CCBE1: variants seen among roughly 807,000 people sequenced by gnomAD.
The protein encoded by CCBE1 is collagen and calcium binding EGF domains 1, also known as collagen and calcium-binding EGF domain-containing protein 1.
Under a neutral mutation model 50.0 loss-of-function variants are expected in CCBE1, and 37 were observed. The observed-to-expected ratio is 0.74, with a 90% CI of 0.57 to 0.97. The LOEUF (loss-of-function observed/expected upper bound fraction) is 0.97, where lower values mean the gene tolerates loss of function less well. Among genes scored for constraint, CCBE1 ranks in the 50% least tolerant of loss-of-function variants. The probability of loss-of-function intolerance (pLI) is 0.00; values close to 1 mark genes in which losing one functional copy is unlikely to be tolerated. For missense variants in CCBE1, 538 were observed against 523.8 expected (o/e 1.03, Z -0.26); for synonymous variants, 234 against 203.7 (o/e 1.15, Z -1.27).
At chr18:59,632,600 T>G (rs1328833034) in intron 2 of CCBE1, among the ~76,000 whole-genome samples, 1 of 151,524 alleles carries the variant, frequency 6.6e-6, no homozygotes, top group East Asian at 2.0e-4. Flanking sequence ...GTATTGTTTT[T>G]GTTTTTGAGA....
At chr18:59,515,446 C>T (rs1914328688) in intron 2 of CCBE1, among the ~76,000 whole-genome samples, 1 of 152,188 alleles carries the variant, frequency 6.6e-6, no homozygotes, top group African/African-American at 2.4e-5. Context: ...GGTATCATTT[C>T]CAAATCTGGG....
intron 2 of CCBE1, among the ~76,000 whole-genome samples, chr18:59,616,837 C>T (rs747524388): frequency 1.3e-5 from 2 of 152,140 alleles, no homozygotes; most frequent in South Asian, 4.2e-4. Flanking sequence ...CGGACGGAAG[C>T]CTTTCTCATC....
At chr18:59,448,203 T>C in intron 6 of CCBE1, 100 bp from the exon 7 acceptor site, 1 of 1,527,086 alleles carries the variant, frequency 6.5e-7, no homozygotes, top group East Asian at 2.3e-5. Flanking sequence ...TCATGAGACA[T>C]ATGTATATAC....
intron 2 of CCBE1, among the ~76,000 whole-genome samples, chr18:59,501,254 C>G (rs913695130): frequency 6.6e-6 from 1 of 152,198 alleles, no homozygotes; most frequent in African/African-American, 2.4e-5. Context: ...GGGACCCTGT[C>G]CTGGGGCTGC....
chr18:59,652,730 C>T (rs950047560), intron 2 of CCBE1, among the ~76,000 whole-genome samples: 8 of 152,096 alleles, frequency 5.3e-5, no homozygotes, highest in African/African-American at 1.4e-4. Flanking sequence ...TTCGGGAGGC[C>T]GAGGCGGGTG....
intron 7 of CCBE1, among the ~76,000 whole-genome samples, 174 bp from the exon 8 acceptor site, chr18:59,439,990 C>T (rs977295518): frequency 4.6e-5 from 7 of 152,228 alleles, no homozygotes; most frequent in Non-Finnish European, 8.8e-5. Context: ...CGATCAAAAG[C>T]GGCTTCCCCA....
chr18:59,471,489 A>G (rs1307313696), intron 3 of CCBE1, among the ~76,000 whole-genome samples: 1 of 152,214 alleles, frequency 6.6e-6, no homozygotes, highest in Admixed American at 6.5e-5. Flanking sequence ...CCATAATGAC[A>G]ACATAAAAGC....
chr18:59,468,788 T>C (rs1911878025), intron 4 of CCBE1, among the ~76,000 whole-genome samples: 1 of 152,052 alleles, frequency 6.6e-6, no homozygotes, highest in African/African-American at 2.4e-5. Flanking sequence ...TATGCACGTC[T>C]GGACCCACTC....
intron 7 of CCBE1, among the ~76,000 whole-genome samples, chr18:59,444,097 C>G (rs1047970913): frequency 2.8e-5 from 4 of 142,972 alleles, no homozygotes; most frequent in African/African-American, 8.4e-5. Flanking sequence ...GAATAATATT[C>G]CATTGTAAGT....
At chr18:59,503,005 T>A (rs7234617) in intron 2 of CCBE1, among the ~76,000 whole-genome samples, 43,882 of 152,198 alleles carry the variant, frequency 0.29, 6,587 homozygotes, top group Middle Eastern at 0.36. Context: ...TGTCTCCTAT[T>A]CAAAGACAGG....
At chr18:59,651,301 C>A (rs1004934603) in intron 2 of CCBE1, among the ~76,000 whole-genome samples, 1 of 152,144 alleles carries the variant, frequency 6.6e-6, no homozygotes, top group African/African-American at 2.4e-5. Flanking sequence ...GTTTCCTGCC[C>A]CAGTTCTTGC....
At chr18:59,693,630 TCA>T (rs750133854) in intron 2 of CCBE1, among the ~76,000 whole-genome samples, 8 of 152,196 alleles carry the variant, frequency 5.3e-5, no homozygotes, top group Non-Finnish European at 1.2e-4. Flanking sequence ...TGCTTATTGC[TCA>T]CAGTTTCAAA....
chr18:59,593,412 G>A (rs902149452), intron 2 of CCBE1, among the ~76,000 whole-genome samples: 1 of 152,212 alleles, frequency 6.6e-6, no homozygotes, highest in Non-Finnish European at 1.5e-5. Context: ...ATGAATAGTA[G>A]ATTGTAAGTA....
intron 2 of CCBE1, among the ~76,000 whole-genome samples, chr18:59,644,732 C>CA (rs1201097663): frequency 6.6e-6 from 1 of 152,188 alleles, no homozygotes; most frequent in African/African-American, 2.4e-5. Flanking sequence ...CCCACACCGT[C>CA]ACTAACTCCC....
chr18:59,618,519 C>T (rs1185279806), intron 2 of CCBE1, among the ~76,000 whole-genome samples: 1 of 151,726 alleles, frequency 6.6e-6, no homozygotes, highest in Non-Finnish European at 1.5e-5. Context: ...ACTGCAACCT[C>T]CATCTCTCAG....
chr18:59,671,160 G>A (rs904449233), intron 2 of CCBE1, among the ~76,000 whole-genome samples: 5 of 152,066 alleles, frequency 3.3e-5, no homozygotes, highest in Admixed American at 2.6e-4. Context: ...GCTGCTGACA[G>A]GTCCTGAACG....
At chr18:59,520,310 G>A (rs1043213125) in intron 2 of CCBE1, among the ~76,000 whole-genome samples, 1 of 152,156 alleles carries the variant, frequency 6.6e-6, no homozygotes, top group Non-Finnish European at 1.5e-5. Context: ...CCATGAGGAT[G>A]GAATGTTTTT....
chr18:59,687,256 G>A (rs1342732029), intron 2 of CCBE1, among the ~76,000 whole-genome samples: 4 of 152,158 alleles, frequency 2.6e-5, no homozygotes, highest in African/African-American at 9.7e-5. Flanking sequence ...AAAGAAGAGG[G>A]TTACAAAGCT....
chr18:59,486,831 T>C, intron 2 of CCBE1, among the ~76,000 whole-genome samples: 1 of 152,156 alleles, frequency 6.6e-6, no homozygotes, highest in East Asian at 1.9e-4. Context: ...AGGTATATTC[T>C]TTTGGAAAAC....
Sources: gnomAD v4.1 joint callset for allele counts (sites outside exome capture counted in the v4.1 genomes callset) on GRCh38, gnomAD v4.1.1 for gene constraint, MANE v1.5 for transcripts, NCBI Gene and HGNC (gene_info 2026-07-23, HGNC 2026-07-21) for gene names.